NUP98: variants seen among roughly 807,000 people sequenced by gnomAD.
NUP98 encodes the protein nuclear pore complex protein Nup98-Nup96.
Under a neutral mutation model 191.9 loss-of-function variants are expected in NUP98, and 26 were observed. The observed-to-expected ratio is 0.14, with a 90% CI of 0.10 to 0.19. The LOEUF (loss-of-function observed/expected upper bound fraction) is 0.19. NUP98 is among the 10% of genes least tolerant of loss of function. The pLI is 1.00. For synonymous variants in NUP98, 808 were observed against 778.4 expected, an observed-to-expected ratio of 1.04 and a Z score of -0.63; for missense variants, 1,941 against 2,178.8, an observed-to-expected ratio of 0.89 and a Z score of 2.17.
chr11:3,675,888 G>C lies in NUP98; in HGVS notation c.*271C>G, dbSNP rs2077792229. The C allele has an allele frequency of 6.2e-6, 3 of 485,586 alleles. No homozygotes were observed. The highest frequency in any genetic ancestry group is 1.1e-5 in the Non-Finnish European group (3 of 268,704). 30.1% of individuals were successfully genotyped at this position (485,586 alleles called of 1,614,324 possible). ...TGGTTCTTTGGGGGATTCTGCCAAA[G>C]GAGCTTTATTGACCATTTTTTTAAA... On this transcript the variant is annotated 3_prime_UTR_variant, in exon 33 of 33. Coordinates refer to ENST00000324932, the MANE Select transcript of NUP98 (RefSeq NM_016320.5).
Position 3,725,097 on chromosome 11 carries a change from G to A in NUP98, c.1847+6C>T. 7.9e-7 allele frequency: 1 copy of A among 1,265,504 alleles called. No homozygotes were observed. Among genetic ancestry groups the A allele is most frequent in the Non-Finnish European group, 1.2e-6 (1 of 865,194 alleles). 78.4% of individuals were successfully genotyped at this position (1,265,504 alleles called of 1,614,324 possible). A position where few individuals can be genotyped will look rare whatever the true frequency, so the allele number is the denominator to read the frequency against. On this transcript the variant is annotated splice_donor_region_variant and intron_variant, in intron 15 of 32. Transcript: ENST00000324932. Reference sequence around the variant, plus strand: ...TAAGAAGAACTCAAAACAGAATTCAGTGTACCTCTCTCCATTTTCTGGATA... The same window carrying A: ...TAAGAAGAACTCAAAACAGAATTCAATGTACCTCTCTCCATTTTCTGGATA...
chr11:3,773,783 A>T (rs751929667), intron 5 of NUP98, 44 bp from the exon 6 acceptor site: 1 of 1,125,414 alleles, frequency 8.9e-7, no homozygotes, highest in African/African-American at 1.5e-5. Flanking sequence ...CAAGTTTTAC[A>T]TTCCTACTCT....
chr11:3,760,642 T>C lies in NUP98; in HGVS notation c.1087-16A>G, dbSNP rs1442568114. On this transcript the variant is annotated splice_polypyrimidine_tract_variant and intron_variant, in intron 9 of 32. Transcript: ENST00000324932. ...CAAACAGGGTCTAAAAAGAATAGAA[T>C]ACAGGAAAATTTAAAATAATATTAA... 6.2e-7 allele frequency: 1 copy of C among 1,601,656 alleles called. No individual in the cohort carries two copies. Among genetic ancestry groups the C allele is most frequent in the Non-Finnish European group, 8.5e-7 (1 of 1,173,028 alleles).
intron 12 of NUP98, among the ~76,000 whole-genome samples, chr11:3,743,651 A>G (rs1334546883): frequency 2.0e-5 from 3 of 151,226 alleles, no homozygotes; most frequent in Admixed American, 1.3e-4. Context: ...CATCTCAAAA[A>G]AAAAAAAAAA....
intron 5 of NUP98, 90 bp from the exon 6 acceptor site, chr11:3,773,829 C>CT (rs2081612148): frequency 1.4e-6 from 1 of 719,116 alleles, no homozygotes; most frequent in Non-Finnish European, 2.4e-6. Context: ...AACTCTAAAA[C>CT]TAGTCCCCCC....
At chr11:3,767,326 CT>C (rs1034138213) in intron 8 of NUP98, among the ~76,000 whole-genome samples, 8 of 148,448 alleles carry the variant, frequency 5.4e-5, no homozygotes, top group Non-Finnish European at 7.5e-5. Flanking sequence ...TACAAGCATA[CT>C]TTTTTTTTTA....
intron 10 of NUP98, among the ~76,000 whole-genome samples, chr11:3,759,632 A>T (rs1449375575): frequency 6.6e-6 from 1 of 152,092 alleles, no homozygotes; most frequent in Non-Finnish European, 1.5e-5. Context: ...AAATAATATC[A>T]TCATGTTCCA....
chr11:3,688,822 T>TATATATATATATATATATTTAAATATAC (rs1564806924), intron 28 of NUP98, among the ~76,000 whole-genome samples: 12 of 40,328 alleles, frequency 3.0e-4, no homozygotes, highest in Non-Finnish European at 6.1e-4. Context: ...TAAATATACA[T>TATATATATATATATATATTTAAATATAC]ATATATATAT....
chr11:3,698,901 T>A (rs1367188190), intron 25 of NUP98, 181 bp downstream of exon 25: 2 of 688,772 alleles, frequency 2.9e-6, no homozygotes, highest in Non-Finnish European at 4.8e-6. Flanking sequence ...TTTACTTGAT[T>A]AAAAGTTAAA....
intron 20 of NUP98, among the ~76,000 whole-genome samples, chr11:3,710,431 A>G (rs1439001186): frequency 6.6e-6 from 1 of 152,214 alleles, no homozygotes; most frequent in Non-Finnish European, 1.5e-5. Flanking sequence ...AGGCTTAAGA[A>G]CCAACTGGAA....
rs201706881 is a variant in NUP98 at position 3,762,903 on chromosome 11, G to A, written c.1085C>T (p.Ser362Leu). 79 of 1,612,684 alleles carry A rather than the reference G, an allele frequency of 4.9e-5. No individual in the cohort carries two copies. Among genetic ancestry groups the A allele is most frequent in the Non-Finnish European group, 6.8e-6 (8 of 1,179,540 alleles). ...TTACAGTCAACTGCAGAAACCTACC[G>A]AACCAACAGCACCAAATCCAGTATT... The part of the protein sequence containing the change: ...QTNTGFGAVG[S>L]TLFGNNKLTT... Residue 362 changes from serine to leucine, a missense_variant and splice_region_variant, in exon 9 of 33, where the codon TCG (serine) becomes TTG (leucine). Ser to Leu is a moderately radical substitution (Grantham distance 145). Coordinates refer to ENST00000324932, the MANE Select transcript of NUP98 (RefSeq NM_016320.5).
chr11:3,683,382 G>A lies in NUP98; in HGVS notation c.4736C>T (p.Pro1579Leu), dbSNP rs1325281871. 6.2e-7 allele frequency: 1 copy of A among 1,614,150 alleles called. No homozygotes were observed. Among genetic ancestry groups the A allele is most frequent in the African/African-American group, 1.3e-5 (1 of 75,028 alleles). ...LTRHCQLLET[P>L]ESWAKETFLT... ...GAAAGTCTCTTTAGCCCAAGATTCA[G>A]GGGTCTCCAACAGCTGGCAGTGCCG... Residue 1579 changes from proline (P) to leucine (L), a missense_variant, in exon 30 of 33, where the codon CCT (proline) becomes CTT (leucine). This residue lies in a region of NUP98 where 1,030 missense variants were observed against 1,115.8 expected (regional missense o/e 0.92). Transcript: ENST00000324932.
chr11:3,681,413 C>T (rs1275257869), intron 30 of NUP98, among the ~76,000 whole-genome samples: 1 of 152,124 alleles, frequency 6.6e-6, no homozygotes, highest in Non-Finnish European at 1.5e-5. Context: ...TCAGAGGAAT[C>T]GCTATCTATA....
At position 3,744,653 on chromosome 11, in the gene NUP98, C is replaced by T. The variant is rs916894525; in HGVS notation, c.1268-4G>A. On this transcript the variant is annotated splice_polypyrimidine_tract_variant and splice_region_variant and intron_variant, in intron 11 of 32. Coordinates refer to ENST00000324932, the MANE Select transcript of NUP98 (RefSeq NM_016320.5). ...GATGCCTGTCCAGCACCAAGAGCTA[C>T]GGAGACAAGAGGAAAGAAAAAAGCA... The T allele has an allele frequency of 1.8e-5, 28 of 1,598,812 alleles. No individual in the cohort carries two copies. Among genetic ancestry groups the T allele is most frequent in the African/African-American group, 5.4e-5 (4 of 73,868 alleles).
Position 3,676,293 on chromosome 11 carries a change from C to G in NUP98, c.5269G>C (p.Asp1757His). 6.2e-7 allele frequency: 1 copy of G among 1,614,158 alleles called. No individual in the cohort carries two copies. Among genetic ancestry groups the G allele is most frequent in the Non-Finnish European group, 8.5e-7 (1 of 1,180,026 alleles). Reference protein sequence around the residue: ...PPDRTSDSTPDPQRVPLRLLA... With the variant: ...PPDRTSDSTPHPQRVPLRLLA... ...AGGCGCAAAGGGACTCGCTGAGGGTCTGGTGTTGAGTCGGAGGTTCTATCA... is the reference window on the plus strand; with the variant it reads ...AGGCGCAAAGGGACTCGCTGAGGGTGTGGTGTTGAGTCGGAGGTTCTATCA... Residue 1757 changes from aspartate (D) to histidine (H), a missense_variant, in exon 33 of 33, where the codon GAC becomes CAC. Asp to His is a moderately conservative substitution (Grantham distance 81). This residue lies in a region of NUP98 where 1,030 missense variants were observed against 1,115.8 expected (regional missense o/e 0.92). Transcript: ENST00000324932.
In NUP98 at chr11:3,761,875, GAGAGGTTGC is replaced by G. The variant is rs2081183543; in HGVS notation, c.1086+1018_1086+1026del. The stretch of plus-strand genomic sequence containing the variant: ...ACGAGAATCGCTTGAGCCTGGGAGG[GAGAGGTTGC>G]AGTGAGCCGAGATCATGCCACTGCA... On this transcript the variant is annotated intron_variant, in intron 9 of 32. Coordinates refer to ENST00000324932, the MANE Select transcript of NUP98 (RefSeq NM_016320.5). Among the ~76,000 whole-genome samples, 3 of 151,846 alleles carry G rather than the reference GAGAGGTTGC, an allele frequency of 2.0e-5. No individual in the cohort carries two copies. In the South Asian group the frequency reaches 6.2e-4, roughly 32 times the overall value.
At chr11:3,694,611 G>A (rs373160483) in intron 26 of NUP98, among the ~76,000 whole-genome samples, 7 of 152,084 alleles carry the variant, frequency 4.6e-5, no homozygotes, top group East Asian at 1.9e-4. Flanking sequence ...GTGGTGGCAG[G>A]TGCCTGTAGT....
At position 3,744,549 on chromosome 11, in the gene NUP98, C is replaced by T. The variant is rs112872083; in HGVS notation, c.1368G>A (p.Thr456=). ...GGGCTCCAAAGCCCAAAGTGGCTGTCGTAGTATTAAATCCAGGGGCCCCAA... is the reference window on the plus strand; with the variant it reads ...GGGCTCCAAAGCCCAAAGTGGCTGTTGTAGTATTAAATCCAGGGGCCCCAA... ...GAFGAPGFNT[T]TATLGFGAPQ... The change falls in exon 12 of 33, where the codon ACG becomes ACA. Residue 456 remains threonine (T), a synonymous_variant. Coordinates refer to ENST00000324932, the MANE Select transcript of NUP98 (RefSeq NM_016320.5). 1,414 of 1,613,286 alleles carry T rather than the reference C, an allele frequency of 8.8e-4. 5 individuals carry two copies. The African/African-American group carries it at 0.017, about 19-fold the overall frequency.
At chr11:3,769,052 T>A (rs1054146414) in intron 7 of NUP98, among the ~76,000 whole-genome samples, 6 of 152,188 alleles carry the variant, frequency 3.9e-5, no homozygotes, top group Non-Finnish European at 5.9e-5. Flanking sequence ...ATTTTAACCT[T>A]GCTAGTCTAG....
Sources: allele counts gnomAD v4.1 joint callset (sites outside exome capture counted in the v4.1 genomes callset), GRCh38; gene constraint gnomAD v4.1.1; regional missense constraint gnomAD v4.1.1; transcripts MANE v1.5; gene names NCBI Gene and HGNC (gene_info 2026-07-23, HGNC 2026-07-21).